ZNF385B: variants seen among roughly 807,000 people sequenced by gnomAD.
ZNF385B encodes zinc finger protein 385B, also known as zinc finger protein 533.
In ZNF385B, 23 loss-of-function variants were observed where a neutral mutation model predicts 39.2. The ratio of observed to expected loss-of-function variants is 0.59; its 90% CI spans 0.42 to 0.83. The LOEUF (loss-of-function observed/expected upper bound fraction) is 0.83, where lower values mean the gene tolerates loss of function less well. Among genes scored for constraint, ZNF385B ranks in the 40% least tolerant of loss-of-function variants. ZNF385B has a pLI of 0.00. For missense variants in ZNF385B, 552 were observed against 598.9 expected (o/e 0.92, Z 0.82); for synonymous variants, 205 against 222.6 (o/e 0.92, Z 0.70).
intron 5 of ZNF385B, among the ~76,000 whole-genome samples, chr2:179,493,464 T>C (rs1365216254): frequency 4.3e-5 from 5 of 116,264 alleles, no homozygotes; most frequent in East Asian, 2.9e-4. Flanking sequence ...TGTGTGTACA[T>C]ATATGCATGT....
intron 3 of ZNF385B, among the ~76,000 whole-genome samples, chr2:179,595,926 T>C (rs950672281): frequency 6.6e-6 from 1 of 152,130 alleles, no homozygotes; most frequent in African/African-American, 2.4e-5. Flanking sequence ...AGAAACTATC[T>C]ACAGAATACA....
At chr2:179,700,479 G>A (rs1575274824) in intron 3 of ZNF385B, among the ~76,000 whole-genome samples, 1 of 58,052 alleles carries the variant, frequency 1.7e-5, no homozygotes, top group African/African-American at 5.9e-5. Context: ...AGTAAATGTT[G>A]CTTTCTTTAA....
chr2:179,669,479 A>T (rs377214190), intron 3 of ZNF385B, among the ~76,000 whole-genome samples: 1 of 152,186 alleles, frequency 6.6e-6, no homozygotes, highest in Non-Finnish European at 1.5e-5. Flanking sequence ...TCTCCAGATG[A>T]TTCTAAAGTG....
At chr2:179,829,749 G>A (rs1227853832) in intron 1 of ZNF385B, among the ~76,000 whole-genome samples, 5 of 152,164 alleles carry the variant, frequency 3.3e-5, no homozygotes, top group Non-Finnish European at 7.3e-5. Context: ...TCCTGACCTC[G>A]TGATCTGCCC....
At position 179,725,901 on chromosome 2, in the gene ZNF385B, T is replaced by C. The variant is rs138248353; in HGVS notation, c.298+43602A>G. 6.7e-3 allele frequency among the ~76,000 whole-genome samples: 748 copies of C among 112,108 alleles called. 11 individuals carry two copies. The highest frequency in any genetic ancestry group is 0.031 in the African/African-American group (705 of 22,424). 73.5% of individuals were successfully genotyped at this position (112,108 alleles called of 152,430 possible). ...CATGATATATATATGAATATATGTG[T>C]TTGTGTGTGTATATATATATATATA... is the stretch of plus-strand genomic sequence containing the variant. On this transcript the variant is annotated intron_variant, in intron 3 of 9. Coordinates refer to ENST00000410066, the MANE Select transcript of ZNF385B (RefSeq NM_152520.6).
intron 5 of ZNF385B, among the ~76,000 whole-genome samples, chr2:179,489,798 G>C (rs1017188501): frequency 4.6e-5 from 7 of 152,232 alleles, no homozygotes; most frequent in African/African-American, 1.7e-4. Flanking sequence ...TGCAATATCA[G>C]TAATGACATA....
chr2:179,699,196 T>A (rs1416246891), intron 3 of ZNF385B, among the ~76,000 whole-genome samples: 1 of 152,174 alleles, frequency 6.6e-6, no homozygotes, highest in Admixed American at 6.5e-5. Context: ...CATATTGTTA[T>A]ACAATCATCA....
intron 3 of ZNF385B, among the ~76,000 whole-genome samples, chr2:179,650,866 CA>C (rs2106246199): frequency 6.6e-6 from 1 of 152,254 alleles, no homozygotes; most frequent in South Asian, 2.1e-4. Context: ...CCTGCCTTAC[CA>C]GACAGTTAAG....
chr2:179,531,793 C>A (rs1256343933), intron 4 of ZNF385B, among the ~76,000 whole-genome samples: 1 of 152,170 alleles, frequency 6.6e-6, no homozygotes, highest in Non-Finnish European at 1.5e-5. Flanking sequence ...CTCACTTTGT[C>A]ACACTTAACA....
At chr2:179,783,477 C>T (rs933213275) in intron 1 of ZNF385B, among the ~76,000 whole-genome samples, 1 of 152,078 alleles carries the variant, frequency 6.6e-6, no homozygotes, top group African/African-American at 2.4e-5. Flanking sequence ...CAAAAATTGC[C>T]AAGTGGGATC....
At chr2:179,857,101 TA>T (rs1684665274) in intron 1 of ZNF385B, among the ~76,000 whole-genome samples, 1 of 152,220 alleles carries the variant, frequency 6.6e-6, no homozygotes, top group South Asian at 2.1e-4. Context: ...AAGATTTTCT[TA>T]ATGATTTACA....
chr2:179,618,043 A>G (rs1689905402), intron 3 of ZNF385B, among the ~76,000 whole-genome samples: 1 of 152,196 alleles, frequency 6.6e-6, no homozygotes, highest in Admixed American at 6.5e-5. Context: ...GAAAGAGGGA[A>G]CAAAAGAAAC....
chr2:179,667,661 G>C (rs1189731835), intron 3 of ZNF385B, among the ~76,000 whole-genome samples: 1 of 152,214 alleles, frequency 6.6e-6, no homozygotes, highest in Non-Finnish European at 1.5e-5. Context: ...TGGAGTAAAT[G>C]CTGGAAAGTG....
At chr2:179,636,601 G>A (rs1691776481) in intron 3 of ZNF385B, among the ~76,000 whole-genome samples, 1 of 152,198 alleles carries the variant, frequency 6.6e-6, no homozygotes, top group Non-Finnish European at 1.5e-5. Context: ...CCCTCTCAGG[G>A]CCTTGGAAGA....
intron 1 of ZNF385B, among the ~76,000 whole-genome samples, chr2:179,808,189 C>T (rs1165211586): frequency 2.0e-5 from 3 of 152,052 alleles, no homozygotes; most frequent in Non-Finnish European, 4.4e-5. Context: ...CACGCCGCCA[C>T]GCCTGGCTAA....
At chr2:179,810,953 A>C (rs1448301367) in intron 1 of ZNF385B, among the ~76,000 whole-genome samples, 1 of 152,148 alleles carries the variant, frequency 6.6e-6, no homozygotes, top group Non-Finnish European at 1.5e-5. Flanking sequence ...AGATGACTTC[A>C]GTAAAGTTTC....
At chr2:179,792,802 G>GA (rs1328331759) in intron 1 of ZNF385B, among the ~76,000 whole-genome samples, 1 of 152,070 alleles carries the variant, frequency 6.6e-6, no homozygotes, top group Non-Finnish European at 1.5e-5. Context: ...CTGAGGTAAA[G>GA]AGAAAAAGAA....
At chr2:179,676,509 G>A (rs1237310458) in intron 3 of ZNF385B, among the ~76,000 whole-genome samples, 2 of 152,148 alleles carry the variant, frequency 1.3e-5, no homozygotes, top group Admixed American at 6.5e-5. Context: ...CAGGCGTGAG[G>A]CCGACAGTAT....
At chr2:179,812,163 G>GA (rs1706775418) in intron 1 of ZNF385B, among the ~76,000 whole-genome samples, 1 of 151,836 alleles carries the variant, frequency 6.6e-6, no homozygotes, top group African/African-American at 2.4e-5. Flanking sequence ...GGGTTGCAGA[G>GA]AAAGGGGAAT....
Sources: allele counts gnomAD v4.1 joint callset (sites outside exome capture counted in the v4.1 genomes callset), GRCh38; gene constraint gnomAD v4.1.1; transcripts MANE v1.5; gene names NCBI Gene and HGNC (gene_info 2026-07-23, HGNC 2026-07-21).